The following TTLL5 variants were observed in gnomAD, a reference collection of about 807,000 sequenced individuals.
TTLL5 encodes the protein tubulin tyrosine ligase like 5.
TTLL5 carries 132 observed loss-of-function variants against 168.4 expected under a neutral mutation model. The observed-to-expected ratio is 0.78, with a 90% CI of 0.68 to 0.91. The LOEUF is 0.91. Among genes scored for constraint, TTLL5 ranks in the 40% least tolerant of loss-of-function variants. The probability of loss-of-function intolerance (pLI) is 0.00; values close to 1 mark genes in which losing one functional copy is unlikely to be tolerated. For missense variants in TTLL5, 1,545 were observed against 1,581.5 expected (o/e 0.98, Z 0.39); for synonymous variants, 546 against 558.6 (o/e 0.98, Z 0.32).
intron 15 of TTLL5, among the ~76,000 whole-genome samples, chr14:75,741,308 A>G (rs1889251042): frequency 6.6e-6 from 1 of 152,210 alleles, no homozygotes; most frequent in Admixed American, 6.5e-5. Flanking sequence ...TAAATCATGT[A>G]TCTTTTAGCC....
chr14:75,721,104 T>G (rs1165658117), intron 12 of TTLL5, among the ~76,000 whole-genome samples: 1 of 152,172 alleles, frequency 6.6e-6, no homozygotes, highest in East Asian at 1.9e-4. Flanking sequence ...TTCCGATGAC[T>G]CCTCCTTTTT....
chr14:75,927,816 C>G (rs1392777729), intron 31 of TTLL5, among the ~76,000 whole-genome samples: 1 of 152,184 alleles, frequency 6.6e-6, no homozygotes, highest in Non-Finnish European at 1.5e-5. Context: ...CAAGGAGGAC[C>G]TTGACTATAG....
chr14:75,926,156 CTT>C lies in TTLL5; in HGVS notation c.3823+23959_3823+23960del, dbSNP rs34048806. Among the ~76,000 whole-genome samples, 5 of 29,956 alleles carry C rather than the reference CTT, an allele frequency of 1.7e-4. No homozygotes were observed. In the South Asian group the frequency reaches 6.2e-3, roughly 37 times the overall value. 19.7% of individuals were successfully genotyped at this position (29,956 alleles called of 152,430 possible). ...TTAAAGACTAGGATTGCAACCCCAG[CTT>C]TTTTTTTTTTTTTTTTTTTTTTTTT... On this transcript the variant is annotated intron_variant, in intron 31 of 31. Transcript: ENST00000298832.
chr14:75,916,556 T>C (rs2033621646), intron 31 of TTLL5, among the ~76,000 whole-genome samples: 2 of 152,054 alleles, frequency 1.3e-5, no homozygotes, highest in African/African-American at 4.8e-5. Flanking sequence ...GAGGATCACT[T>C]GAGCTGGGAG....
chr14:75,867,627 GC>G (rs1490897674), intron 29 of TTLL5, among the ~76,000 whole-genome samples: 1 of 152,118 alleles, frequency 6.6e-6, no homozygotes. Context: ...GGGCGTGGTG[GC>G]GCATGCCTAT....
chr14:75,728,001 A>G (rs1320901230), intron 12 of TTLL5, among the ~76,000 whole-genome samples: 1 of 152,198 alleles, frequency 6.6e-6, no homozygotes, highest in African/African-American at 2.4e-5. Context: ...CTTAGATCTA[A>G]CTATTTCATC....
At chr14:75,892,177 G>A (rs2032433258) in intron 30 of TTLL5, among the ~76,000 whole-genome samples, 1 of 152,196 alleles carries the variant, frequency 6.6e-6, no homozygotes, top group Non-Finnish European at 1.5e-5. Context: ...CTGACTTCCA[G>A]GCCAGTTGGC....
intron 27 of TTLL5, among the ~76,000 whole-genome samples, chr14:75,794,504 C>G (rs759282602): frequency 2.6e-5 from 4 of 151,772 alleles, no homozygotes; most frequent in Non-Finnish European, 5.9e-5. Context: ...CTATCTAGCT[C>G]CTATCGTTCA....
rs569955879 is a variant in TTLL5 at position 75,800,460 on chromosome 14, A to C, written c.3171+7360A>C. Among the ~76,000 whole-genome samples the C allele has an allele frequency of 2.6e-4, 39 of 152,024 alleles. 1 individual carries two copies. Among genetic ancestry groups the C allele is most frequent in the African/African-American group, 8.9e-4 (37 of 41,434 alleles). ...AAATAGGTAAATAATCGACCTTTTG[A>C]GTTCTTTTTCTGGCAACTTAGAAAT... On this transcript the variant is annotated intron_variant, in intron 27 of 31. Coordinates refer to ENST00000298832, the MANE Select transcript of TTLL5 (RefSeq NM_015072.5).
intron 30 of TTLL5, among the ~76,000 whole-genome samples, chr14:75,897,986 TTTGTG>T (rs2032747616): frequency 6.6e-6 from 1 of 152,178 alleles, no homozygotes; most frequent in Non-Finnish European, 1.5e-5. Context: ...AACTCTAACT[TTTGTG>T]TAGTGTAAAG....
chr14:75,906,750 G>A, intron 31 of TTLL5: 1 of 979,754 alleles, frequency 1.0e-6, no homozygotes, highest in Non-Finnish European at 1.2e-6. Context: ...GAGACTTAGT[G>A]GCTACCAAAA....
chr14:75,943,482 C>G (rs2034675595), intron 31 of TTLL5, among the ~76,000 whole-genome samples: 1 of 151,052 alleles, frequency 6.6e-6, no homozygotes, highest in African/African-American at 2.5e-5. Context: ...TAATTTATAA[C>G]CACAAGCTGG....
chr14:75,902,090 C>T (rs377306133), intron 30 of TTLL5, 52 bp from the exon 31 acceptor site: 6 of 1,557,688 alleles, frequency 3.9e-6, no homozygotes, highest in Admixed American at 1.7e-5. Flanking sequence ...AGGTCCTGCA[C>T]CTGACCTCAC....
intron 29 of TTLL5, among the ~76,000 whole-genome samples, 189 bp downstream of exon 29, chr14:75,864,051 T>G (rs1282277093): frequency 6.6e-6 from 1 of 152,002 alleles, no homozygotes; most frequent in African/African-American, 2.4e-5. Flanking sequence ...ACACTGGCTT[T>G]GCTTGAAAGT....
rs1345050043 is a variant in TTLL5, at chr14:75,793,094, C to G, written c.3165C>G (p.Thr1055=). ...YSPSSHINLL[T]QQVTNLNLAT... ...CATCCAGCCACATCAACCTCCTCAC[C>G]CAACAGGTACGGATGGTCTGGGGTG... Residue 1055 remains threonine (T), a synonymous_variant, in exon 27 of 32, where the codon ACC becomes ACG. Coordinates refer to ENST00000298832, the MANE Select transcript of TTLL5 (RefSeq NM_015072.5). 4 of 1,609,206 alleles carry G rather than the reference C, an allele frequency of 2.5e-6. No individual in the cohort carries two copies. In the African/African-American group the frequency reaches 4.0e-5, roughly 16 times the overall value.
At chr14:75,926,062 G>A (rs2034049028) in intron 31 of TTLL5, among the ~76,000 whole-genome samples, 1 of 149,838 alleles carries the variant, frequency 6.7e-6, no homozygotes, top group Non-Finnish European at 1.5e-5. Context: ...GAGGGAGACC[G>A]TGGGCCGTGG....
chr14:75,946,907 G>T (rs1165042029), intron 31 of TTLL5, among the ~76,000 whole-genome samples: 1 of 152,244 alleles, frequency 6.6e-6, no homozygotes, highest in East Asian at 1.9e-4. Context: ...AACAGCGGGA[G>T]CTCATGCCTG....
intron 28 of TTLL5, among the ~76,000 whole-genome samples, chr14:75,851,095 C>CAA (rs35393032): frequency 0.047 from 4,419 of 94,114 alleles, 213 homozygotes; most frequent in African/African-American, 0.075. Flanking sequence ...GACCTTGTCT[C>CAA]AAAAAAAAAA....
intron 18 of TTLL5, among the ~76,000 whole-genome samples, chr14:75,761,951 TTAGA>T (rs563567227): frequency 5.7e-4 from 87 of 152,270 alleles, no homozygotes; most frequent in Non-Finnish European, 9.0e-4. Flanking sequence ...GCTTTAAAAA[TTAGA>T]TAGACTGATG....
Sources: allele counts gnomAD v4.1 joint callset (sites outside exome capture counted in the v4.1 genomes callset), GRCh38; gene constraint gnomAD v4.1.1; transcripts MANE v1.5; gene names NCBI Gene and HGNC (gene_info 2026-07-23, HGNC 2026-07-21).